OCRL: variants seen among roughly 807,000 people sequenced by gnomAD.
The protein encoded by OCRL is OCRL inositol polyphosphate-5-phosphatase.
In OCRL, 8 loss-of-function variants were observed where a neutral mutation model predicts 78.9. The ratio of observed to expected loss-of-function variants is 0.10; its 90% CI spans 0.06 to 0.18. The LOEUF is 0.18. Among genes scored for constraint, OCRL ranks in the 10% least tolerant of loss-of-function variants. The probability of loss-of-function intolerance (pLI) is 1.00; values close to 1 mark genes in which losing one functional copy is unlikely to be tolerated. For missense variants in OCRL, 454 were observed against 696.7 expected (o/e 0.65, Z 3.92); for synonymous variants, 240 against 235.4 (o/e 1.02, Z -0.18).
intron 19 of OCRL, among the ~76,000 whole-genome samples, chrX:129,585,204 A>AT (rs1857209767): frequency 8.9e-6 from 1 of 112,647 alleles, no homozygotes; most frequent in Admixed American, 9.4e-5. Flanking sequence ...CAACTGTGGC[A>AT]TTCCATATTA....
Position 129,576,342 on chromosome X carries a change from T to C in OCRL, c.1905T>C (p.Asp635=), listed in dbSNP as rs1936369016. ...EPNETVDISL[D]VYVSKDSVTI... Reference sequence around the variant, plus strand: ...ATGAGACAGTGGACATTTCTCTTGATGTGTATGTCAGCAAAGACTCTGTAA... The same window carrying C: ...ATGAGACAGTGGACATTTCTCTTGACGTGTATGTCAGCAAAGACTCTGTAA... The change falls in exon 18 of 24, where the codon GAT becomes GAC. Residue 635 remains aspartate (D), a synonymous_variant. Coordinates refer to ENST00000371113, the MANE Select transcript of OCRL (RefSeq NM_000276.4). The C allele has an allele frequency of 2.5e-6, 3 of 1,206,309 alleles. No individual in the cohort carries two copies. Among genetic ancestry groups the C allele is most frequent in the South Asian group, 1.8e-5 (1 of 56,714 alleles).
chrX:129,557,230 G>C, intron 4 of OCRL, 95 bp from the exon 5 acceptor site: 1 of 711,793 alleles, frequency 1.4e-6, no homozygotes. Flanking sequence ...TTTGTGATCT[G>C]GACCTTCTTC....
intron 19 of OCRL, 56 bp from the exon 20 acceptor site, chrX:129,586,946 A>C (rs1267210459): frequency 2.6e-6 from 2 of 771,725 alleles, no homozygotes; most frequent in East Asian, 6.3e-5. Flanking sequence ...TTTAAGTTAT[A>C]CACCAAAGTC....
intron 1 of OCRL, 91 bp from the exon 2 acceptor site, chrX:129,540,653 G>T: frequency 1.5e-6 from 1 of 679,684 alleles, no homozygotes. Flanking sequence ...GAGGGCGGCG[G>T]TGGGGGGGGG....
intron 18 of OCRL, among the ~76,000 whole-genome samples, chrX:129,582,173 C>A (rs1272646585): frequency 9.0e-6 from 1 of 110,802 alleles, no homozygotes; most frequent in Non-Finnish European, 1.9e-5. Flanking sequence ...TTTATTTCTG[C>A]CTCTTCCACT....
At chrX:129,569,082 T>A (rs1265976583) in intron 14 of OCRL, among the ~76,000 whole-genome samples, 182 bp from the exon 15 acceptor site, 1 of 111,836 alleles carries the variant, frequency 8.9e-6, no homozygotes, top group Admixed American at 9.5e-5. Flanking sequence ...AACAAGCAAA[T>A]ACAGTCCCTT....
chrX:129,547,292 A>G lies in OCRL; in HGVS notation c.200-1271A>G, dbSNP rs56149984. ...TGTAATCCCAGCACTTTGGGAGGCC[A>G]AGGTGGGCAGATCACAAGGTCAGGA... On this transcript the variant is annotated intron_variant, in intron 3 of 23. Transcript: ENST00000371113. 5.8e-3 allele frequency among the ~76,000 whole-genome samples: 635 copies of G among 110,174 alleles called. 7 individuals are homozygous for G. Among genetic ancestry groups the G allele is most frequent in the Non-Finnish European group, 9.4e-3 (494 of 52,735 alleles).
intron 2 of OCRL, among the ~76,000 whole-genome samples, chrX:129,542,253 T>A (rs903598657): frequency 3.1e-4 from 33 of 106,183 alleles, no homozygotes; most frequent in African/African-American, 1.1e-3. Flanking sequence ...GTGTTCCAAT[T>A]CTGTGTAAGT....
At chrX:129,541,768 C>T (rs780542670) in intron 2 of OCRL, among the ~76,000 whole-genome samples, 3 of 112,048 alleles carry the variant, frequency 2.7e-5, no homozygotes, top group East Asian at 5.6e-4. Context: ...TTCTCAGTCC[C>T]CACTTTTAGA....
intron 19 of OCRL, among the ~76,000 whole-genome samples, chrX:129,584,771 A>G (rs1250186906): frequency 1.8e-5 from 2 of 112,085 alleles, no homozygotes; most frequent in African/African-American, 3.2e-5. Context: ...GATCATAGCA[A>G]TTAATTTCAG....
At chrX:129,569,455 G>A (rs1331766156) in intron 15 of OCRL, 56 bp downstream of exon 15, 9 of 1,094,040 alleles carry the variant, frequency 8.2e-6, no homozygotes, top group African/African-American at 3.6e-5. Flanking sequence ...ATTACTAGAG[G>A]ATTATTTAGA....
At chrX:129,583,285 G>A (rs142423419) in intron 18 of OCRL, among the ~76,000 whole-genome samples, 46 of 111,806 alleles carry the variant, frequency 4.1e-4, no homozygotes, top group Admixed American at 1.2e-3. Context: ...GTTTCTCACT[G>A]TCCTTAGCCT....
rs189633619 is a variant in OCRL at position 129,590,937 on chromosome X, A to G, written c.*667A>G. 7 of 115,675 alleles carry G rather than the reference A, an allele frequency of 6.1e-5. No homozygotes were observed. Among genetic ancestry groups the G allele is most frequent in the Non-Finnish European group, 1.8e-5 (1 of 54,881 alleles). The allele number at this position is 115,675 out of a possible 1,213,427, so 9.5% of individuals were successfully genotyped here. ...TCTCTTAGATCACATTTAGTAGCAT[A>G]ACTGTAGGGACTATTAGAGATGGCA... On this transcript the variant is annotated 3_prime_UTR_variant, in exon 24 of 24. Transcript: ENST00000371113.
intron 18 of OCRL, among the ~76,000 whole-genome samples, chrX:129,582,804 TAACAGTAGTGTGG>T (rs1936460246): frequency 3.7e-5 from 4 of 108,254 alleles, no homozygotes; most frequent in African/African-American, 1.4e-4. Flanking sequence ...TCCCCATGGA[TAACAGTAGTGTGG>T]GAGGAATGCA....
chrX:129,575,160 A>T lies in OCRL; in HGVS notation c.1623A>T (p.Arg541=). Residue 541 remains arginine (R), a synonymous_variant, in exon 16 of 24, where the codon CGA becomes CGT. Transcript: ENST00000371113. The part of the protein sequence containing the change: ...FHIGVKVVDE[R]RYRKVFEDSV... ...TTCAGGTGAAGGTTGTGGATGAACG[A>T]AGGTACCGGAAAGTCTTTGAAGATA... The T allele has an allele frequency of 8.3e-7, 1 of 1,204,856 alleles. No homozygotes were observed. The highest frequency in any genetic ancestry group is 1.1e-6 in the Non-Finnish European group (1 of 888,980).
At chrX:129,582,255 G>C (rs1936452939) in intron 18 of OCRL, among the ~76,000 whole-genome samples, 2 of 111,097 alleles carry the variant, frequency 1.8e-5, no homozygotes, top group African/African-American at 6.6e-5. Flanking sequence ...ATGATTTATT[G>C]AGAACTCGTA....
chrX:129,558,932 A>T lies in OCRL; in HGVS notation c.653A>T (p.Gln218Leu). Residue 218 changes from glutamine to leucine, a missense_variant, in exon 8 of 24, where the codon CAG (glutamine) becomes CTG (leucine). Transcript: ENST00000371113. Reference sequence around the variant, plus strand: ...TTTGTACCAAATACCCAATCTGGGCAGCGGGAGGGTCTCATCAAACATATC... The same window carrying T: ...TTTGTACCAAATACCCAATCTGGGCTGCGGGAGGGTCTCATCAAACATATC... ...KLFVPNTQSG[Q>L]REGLIKHILA... is the part of the protein sequence containing the mutation. 1 of 1,211,415 alleles carries T rather than the reference A, an allele frequency of 8.3e-7. No individual in the cohort carries two copies. Among genetic ancestry groups the T allele is most frequent in the Non-Finnish European group, 1.1e-6 (1 of 895,024 alleles).
intron 4 of OCRL, among the ~76,000 whole-genome samples, chrX:129,555,205 A>G (rs1290605898): frequency 9.3e-6 from 1 of 108,041 alleles, no homozygotes; most frequent in Non-Finnish European, 1.9e-5. Flanking sequence ...GGCCAAGCAC[A>G]GTGGCTCATG....
At position 129,557,943 on chromosome X, in the gene OCRL, T is replaced by C; in HGVS notation, c.432T>C (p.Val144=). The change falls in exon 6 of 24, where the codon GTT becomes GTC. Residue 144 remains valine, a synonymous_variant. Coordinates refer to ENST00000371113, the MANE Select transcript of OCRL (RefSeq NM_000276.4). ...QKLDTKDKPS[V]FSGLLGFEDN... Reference sequence around the variant, plus strand: ...TAGACACTAAGGACAAACCTTCTGTTTTTTCAGGTACTAAAAAGTTCCTGG... The same window carrying C: ...TAGACACTAAGGACAAACCTTCTGTCTTTTCAGGTACTAAAAAGTTCCTGG... 2 of 1,170,829 alleles carry C rather than the reference T, an allele frequency of 1.7e-6. No homozygotes were observed. The highest frequency in any genetic ancestry group is 5.9e-5 in the East Asian group (2 of 33,690).
Sources: allele counts gnomAD v4.1 joint callset (sites outside exome capture counted in the v4.1 genomes callset), GRCh38; gene constraint gnomAD v4.1.1; transcripts MANE v1.5; gene names NCBI Gene and HGNC (gene_info 2026-07-23, HGNC 2026-07-21).